COL13A1: variants seen among roughly 807,000 people sequenced by gnomAD.
COL13A1 encodes collagen alpha-1(XIII) chain.
Under a neutral mutation model 130.9 loss-of-function variants are expected in COL13A1, and 89 were observed. That is an observed-to-expected ratio of 0.68 (90% CI 0.57 to 0.81). The LOEUF (loss-of-function observed/expected upper bound fraction) is 0.81, where lower values mean the gene tolerates loss of function less well. Among genes scored for constraint, COL13A1 ranks in the 30% least tolerant of loss-of-function variants. The probability of loss-of-function intolerance (pLI) is 0.00; values close to 1 mark genes in which losing one functional copy is unlikely to be tolerated. For missense variants in COL13A1, 879 were observed against 934.6 expected (o/e 0.94, Z 0.78); for synonymous variants, 402 against 341.6 (o/e 1.18, Z -1.95).
intron 1 of COL13A1, among the ~76,000 whole-genome samples, chr10:69,816,957 T>C (rs1319717739): frequency 6.6e-6 from 1 of 152,148 alleles, no homozygotes; most frequent in Non-Finnish European, 1.5e-5. Flanking sequence ...CTCTTTTCCG[T>C]TTTTATGCTG....
rs770258056 is a variant in COL13A1, at chr10:69,905,823, G to A, written c.921+1G>A. 6.2e-7 allele frequency: 1 copy of A among 1,613,742 alleles called. No individual in the cohort carries two copies. The highest frequency in any genetic ancestry group is 8.5e-7 in the Non-Finnish European group (1 of 1,179,814). Reference sequence around the variant, plus strand: ...GATCCAGGGCTACCACGGCCGGAAGGTAAGATGGAGGGGGAGGACCCAAGT... The same window carrying A: ...GATCCAGGGCTACCACGGCCGGAAGATAAGATGGAGGGGGAGGACCCAAGT... On this transcript the variant is annotated splice_donor_variant, in intron 17 of 40. Coordinates refer to ENST00000645393, the MANE Select transcript of COL13A1 (RefSeq NM_001368882.1). LOFTEE classifies it high-confidence loss of function.
intron 1 of COL13A1, among the ~76,000 whole-genome samples, chr10:69,821,790 C>T (rs113133841): frequency 0.018 from 2,687 of 152,256 alleles, 62 homozygotes; most frequent in African/African-American, 0.02. Context: ...GACAACTCCT[C>T]GAGGGTCGGG....
chr10:69,881,974 G>A (rs1234895881), intron 7 of COL13A1, among the ~76,000 whole-genome samples: 3 of 152,304 alleles, frequency 2.0e-5, no homozygotes, highest in East Asian at 1.9e-4. Context: ...AGTCATAGAC[G>A]GGCCAGGCCT....
Position 69,888,207 on chromosome 10 carries a change from A to G in COL13A1, c.550-97A>G, listed in dbSNP as rs2060792413. The stretch of plus-strand genomic sequence containing the variant: ...GCAGGGCCTTGAGCTCCAACTTATC[A>G]GAATCCAGAATCTGTGCTTTTCCCC... On this transcript the variant is annotated intron_variant, in intron 8 of 40. Coordinates refer to ENST00000645393, the MANE Select transcript of COL13A1 (RefSeq NM_001368882.1). 2.1e-6 allele frequency: 3 copies of G among 1,448,388 alleles called. No homozygotes were observed. In the African/African-American group the frequency reaches 4.2e-5, roughly 20 times the overall value. The allele number at this position is 1,448,388 out of a possible 1,614,324, so 89.7% of individuals were successfully genotyped here. A position where few individuals can be genotyped will look rare whatever the true frequency, so the allele number is the denominator to read the frequency against.
At chr10:69,895,632 G>A (rs1187996932) in intron 13 of COL13A1, 56 bp downstream of exon 13, 21 of 1,581,962 alleles carry the variant, frequency 1.3e-5, no homozygotes, top group African/African-American at 4.0e-5. Context: ...GGGGCACAGC[G>A]CCCAGCTCAG....
At chr10:69,822,496 C>T in intron 2 of COL13A1, 58 bp downstream of exon 2, 2 of 1,340,340 alleles carry the variant, frequency 1.5e-6, no homozygotes, top group Admixed American at 2.9e-5. Context: ...ACCAGAGGCT[C>T]TTCCTGGTGG....
chr10:69,880,479 CT>C, intron 6 of COL13A1, 23 bp from the exon 7 acceptor site: 1 of 1,440,710 alleles, frequency 6.9e-7, no homozygotes, highest in Non-Finnish European at 9.8e-7. Context: ...CTCGCTCCCT[CT>C]CCCCCTTCCT....
chr10:69,895,182 C>T (rs890485177), intron 12 of COL13A1, among the ~76,000 whole-genome samples: 6 of 152,206 alleles, frequency 3.9e-5, no homozygotes, highest in Non-Finnish European at 8.8e-5. Context: ...CCCATGGTGC[C>T]GGCTGCTCCC....
At position 69,851,290 on chromosome 10, in the gene COL13A1, G is replaced by T. The variant is rs868440639; in HGVS notation, c.365-16508G>T. Among the ~76,000 whole-genome samples the T allele has an allele frequency of 2.6e-4, 40 of 152,318 alleles. 1 individual carries two copies. In the Middle Eastern group the frequency reaches 0.017, roughly 65 times the overall value. On this transcript the variant is annotated intron_variant, in intron 2 of 40. Coordinates refer to ENST00000645393, the MANE Select transcript of COL13A1 (RefSeq NM_001368882.1). ...GAGAATCAGGGAAATCAGGAAGGGA[G>T]CTCCCCTTCCACCCTGAGCCAAAAC...
At chr10:69,937,759 A>G in intron 34 of COL13A1, 44 bp downstream of exon 34, 1 of 843,600 alleles carries the variant, frequency 1.2e-6, no homozygotes, top group Non-Finnish European at 2.1e-6. Context: ...TTGATGGGCC[A>G]GGGGTGTGGG....
intron 2 of COL13A1, among the ~76,000 whole-genome samples, chr10:69,837,078 G>A (rs544081787): frequency 3.3e-5 from 5 of 152,120 alleles, no homozygotes; most frequent in South Asian, 2.1e-4. Flanking sequence ...CCAGGGCTCC[G>A]GCTCCAGGGT....
chr10:69,952,322 T>C lies in COL13A1; in HGVS notation c.2059-560T>C, dbSNP rs10466016. On this transcript the variant is annotated intron_variant, in intron 38 of 40. Transcript: ENST00000645393. ...ACTCAAACGTGGGCACACACACACA[T>C]ATACACAAGCACATACCTGTATACT... is the stretch of plus-strand genomic sequence containing the variant. 2.5e-3 allele frequency among the ~76,000 whole-genome samples: 384 copies of C among 152,214 alleles called. 3 individuals are homozygous for C. The highest frequency in any genetic ancestry group is 9.0e-3 in the African/African-American group (372 of 41,516).
At chr10:69,886,361 G>T (rs1318479064) in intron 7 of COL13A1, among the ~76,000 whole-genome samples, 2 of 152,234 alleles carry the variant, frequency 1.3e-5, no homozygotes, top group African/African-American at 4.8e-5. Flanking sequence ...ACAACTTGCT[G>T]AGGGTCACAC....
chr10:69,956,852 TG>T, intron 39 of COL13A1, 151 bp from the exon 40 acceptor site: 2 of 632,564 alleles, frequency 3.2e-6, no homozygotes. Context: ...TCTGAGGTTC[TG>T]ACCTGTAGTA....
chr10:69,932,222 A>G (rs955687938), intron 30 of COL13A1, among the ~76,000 whole-genome samples: 9 of 152,152 alleles, frequency 5.9e-5, no homozygotes, highest in Non-Finnish European at 1.2e-4. Flanking sequence ...GTTATATGTC[A>G]CCATCTGTAT....
chr10:69,950,751 T>G (rs967491810), intron 38 of COL13A1, among the ~76,000 whole-genome samples: 9 of 152,332 alleles, frequency 5.9e-5, no homozygotes, highest in East Asian at 5.8e-4. Context: ...TTTAGAAAAT[T>G]CATTTAGAAT....
chr10:69,816,728 G>A (rs118119484), intron 1 of COL13A1, among the ~76,000 whole-genome samples: 1 of 152,128 alleles, frequency 6.6e-6, no homozygotes, highest in East Asian at 1.9e-4. Context: ...AGGAAGAAGG[G>A]GGGTGAGCAA....
intron 17 of COL13A1, 92 bp from the exon 18 acceptor site, chr10:69,917,197 G>T (rs2064026884): frequency 1.4e-5 from 21 of 1,520,138 alleles, no homozygotes; most frequent in Admixed American, 8.9e-5. Flanking sequence ...AGCCATCCCA[G>T]CCTCCAGACA....
intron 24 of COL13A1, 26 bp downstream of exon 24, chr10:69,923,881 C>A (rs2065007794): frequency 1.9e-6 from 3 of 1,607,982 alleles, no homozygotes; most frequent in African/African-American, 1.3e-5. Context: ...CATCCCAGAG[C>A]TGCAAGATGA....
Sources: gnomAD v4.1 joint callset for allele counts (sites outside exome capture counted in the v4.1 genomes callset) on GRCh38, gnomAD v4.1.1 for gene constraint, MANE v1.5 for transcripts, NCBI Gene and HGNC (gene_info 2026-07-23, HGNC 2026-07-21) for gene names.